Variants in DCP1A observed in about 807,000 individuals in gnomAD.
DCP1A encodes decapping mRNA 1A, also known as mRNA-decapping enzyme 1A.
In DCP1A, 20 loss-of-function variants were observed where a neutral mutation model predicts 58.0. The ratio of observed to expected loss-of-function variants is 0.34; its 90% confidence interval spans 0.24 to 0.50. The LOEUF (loss-of-function observed/expected upper bound fraction) is 0.50. Ranked by LOEUF, DCP1A falls within the 20% of genes least tolerant of loss-of-function variation. The pLI, the probability that DCP1A is intolerant of heterozygous loss-of-function variation, is 0.98. For missense variants in DCP1A, 613 were observed against 712.2 expected (o/e 0.86, Z 1.59); for synonymous variants, 285 against 275.1 (o/e 1.04, Z -0.36).
intron 3 of DCP1A, chr3:53,329,128 T>C (rs1353926325): frequency 2.6e-6 from 1 of 382,658 alleles, no homozygotes; most frequent in East Asian, 3.7e-5. Context: ...AGGAAATTTC[T>C]TGCGCTGTGC....
rs781852766 is a variant in DCP1A at position 53,319,445 on chromosome 3, G to A, written c.333C>T (p.Asp111=). 7 of 1,561,272 alleles carry A rather than the reference G, an allele frequency of 4.5e-6. No individual in the cohort carries two copies. The Admixed American group carries it at 7.6e-5, about 17-fold the overall frequency. Residue 111 remains aspartate, a synonymous_variant, in exon 4 of 10, where the codon GAC becomes GAT. Coordinates refer to ENST00000610213, the MANE Select transcript of DCP1A (RefSeq NM_018403.7). ...TTGCTATGCGGTGACAGTCATTCTT[G>A]TCATAAAACCAGATACTATATATCG... ...SLSIYSIWFY[D]KNDCHRIAKL...
At chr3:53,326,977 C>CA (rs1553690630) in intron 3 of DCP1A, among the ~76,000 whole-genome samples, 1 of 92,534 alleles carries the variant, frequency 1.1e-5, no homozygotes, top group Non-Finnish European at 2.1e-5. Context: ...ACATGTCCAA[C>CA]CCCCCCCCCC....
At chr3:53,334,059 T>C (rs191612269) in intron 3 of DCP1A, among the ~76,000 whole-genome samples, 40 of 152,158 alleles carry the variant, frequency 2.6e-4, no homozygotes, top group Non-Finnish European at 5.4e-4. Context: ...CCCAGGAGTT[T>C]GAGACCAGCC....
chr3:53,333,908 A>G (rs2089063932), intron 3 of DCP1A, among the ~76,000 whole-genome samples: 1 of 152,012 alleles, frequency 6.6e-6, no homozygotes, highest in African/African-American at 2.4e-5. Context: ...TGCCTGATAA[A>G]TCTCATTCTA....
chr3:53,343,127 C>T (rs572704065), intron 2 of DCP1A, among the ~76,000 whole-genome samples: 4 of 152,274 alleles, frequency 2.6e-5, no homozygotes, highest in Non-Finnish European at 4.4e-5. Context: ...ACGATATACC[C>T]GGGGTGTTAA....
At chr3:53,332,083 C>T (rs149942640) in intron 3 of DCP1A, among the ~76,000 whole-genome samples, 4 of 152,184 alleles carry the variant, frequency 2.6e-5, no homozygotes, top group African/African-American at 9.6e-5. Context: ...TAGTGAATCA[C>T]AGAAGCATGA....
At chr3:53,290,446 A>G (rs1323750500) in intron 8 of DCP1A, among the ~76,000 whole-genome samples, 1 of 152,070 alleles carries the variant, frequency 6.6e-6, no homozygotes, top group African/African-American at 2.4e-5. Flanking sequence ...GAAGATATCC[A>G]TGCAGACGCC....
At chr3:53,334,508 G>A (rs889646592) in intron 3 of DCP1A, among the ~76,000 whole-genome samples, 6 of 151,784 alleles carry the variant, frequency 4.0e-5, no homozygotes, top group Admixed American at 1.3e-4. Context: ...TATGTTCTGC[G>A]GTGGAATCTT....
chr3:53,292,954 A>G, intron 6 of DCP1A, 127 bp from the exon 7 acceptor site: 1 of 972,482 alleles, frequency 1.0e-6, no homozygotes, highest in South Asian at 1.7e-5. Flanking sequence ...AAGGAACGGA[A>G]AAAACTGAAG....
intron 7 of DCP1A, among the ~76,000 whole-genome samples, chr3:53,291,214 T>TAGGTGTATGTATTTATG (rs1559679444): frequency 6.6e-6 from 1 of 152,182 alleles, no homozygotes; most frequent in Non-Finnish European, 1.5e-5. Context: ...TGTGGGTATA[T>TAGGTGTATGTATTTATG]AGGTGTATGT....
In DCP1A at chr3:53,286,939, C is replaced by T. The variant is rs1179874797; in HGVS notation, c.*641G>A. The T allele has an allele frequency of 6.6e-6, 1 of 152,252 alleles. No homozygotes were observed. The highest frequency in any genetic ancestry group is 1.5e-5 in the Non-Finnish European group (1 of 68,098). 9.4% of individuals were successfully genotyped at this position (152,252 alleles called of 1,614,324 possible). On this transcript the variant is annotated 3_prime_UTR_variant, in exon 10 of 10. Transcript: ENST00000610213. Reference sequence around the variant, plus strand: ...GCCCTATTCAAATGGTAATGCTGCACTGGGGGCCTGCTGCAGGGCAGGACT... The same window carrying T: ...GCCCTATTCAAATGGTAATGCTGCATTGGGGGCCTGCTGCAGGGCAGGACT...
intron 8 of DCP1A, 80 bp from the exon 9 acceptor site, chr3:53,288,363 G>A: frequency 9.1e-7 from 1 of 1,103,048 alleles, no homozygotes; most frequent in African/African-American, 1.6e-5. Context: ...TGTGGAAACA[G>A]GCATAAGCAG....
At chr3:53,309,636 T>C (rs1283942574) in intron 5 of DCP1A, among the ~76,000 whole-genome samples, 4 of 152,134 alleles carry the variant, frequency 2.6e-5, no homozygotes, top group Admixed American at 1.3e-4. Context: ...TGGTGATGCA[T>C]GGCCTATAGT....
chr3:53,346,383 T>C (rs2089292077), intron 1 of DCP1A, among the ~76,000 whole-genome samples: 3 of 152,216 alleles, frequency 2.0e-5, no homozygotes, highest in South Asian at 4.1e-4. Context: ...AACTGTATTA[T>C]AGGGTAAACG....
chr3:53,345,013 T>A, intron 1 of DCP1A, 71 bp from the exon 2 acceptor site: 1 of 1,164,320 alleles, frequency 8.6e-7, no homozygotes, highest in Non-Finnish European at 1.2e-6. Flanking sequence ...CATGGAGAAG[T>A]AATGCTTCAC....
Position 53,315,744 on chromosome 3 carries a change from G to GTTTTTTTTTTTTTTT in DCP1A, c.372-3366_372-3365insAAAAAAAAAAAAAAA, listed in dbSNP as rs797040721. Among the ~76,000 whole-genome samples the GTTTTTTTTTTTTTTT allele has an allele frequency of 3.1e-5, 3 of 95,416 alleles. 1 individual carries two copies. The highest frequency in any genetic ancestry group is 4.2e-5 in the African/African-American group (1 of 23,768). The allele number at this position is 95,416 out of a possible 152,430, so 62.6% of individuals were successfully genotyped here. A position where few individuals can be genotyped will look rare whatever the true frequency, so the allele number is the denominator to read the frequency against. On this transcript the variant is annotated intron_variant, in intron 4 of 9. Coordinates refer to ENST00000610213, the MANE Select transcript of DCP1A (RefSeq NM_018403.7). ...ATTGTTTGGAGTAAATCAGTTTGTT[G>GTTTTTTTTTTTTTTT]TTTTTTTTTTTTGTTTTTTTTTTTT...
At chr3:53,293,823 C>T (rs1707016238) in intron 6 of DCP1A, among the ~76,000 whole-genome samples, 1 of 152,132 alleles carries the variant, frequency 6.6e-6, no homozygotes, top group African/African-American at 2.4e-5. Flanking sequence ...GCAAATGTTT[C>T]ATCCATTTGA....
At chr3:53,338,563 T>C (rs2106891605) in intron 3 of DCP1A, among the ~76,000 whole-genome samples, 1 of 151,974 alleles carries the variant, frequency 6.6e-6, no homozygotes, top group East Asian at 1.9e-4. Context: ...GGGCATGTTT[T>C]ATAAAGAAAA....
intron 5 of DCP1A, among the ~76,000 whole-genome samples, chr3:53,304,531 G>T (rs1022702018): frequency 2.0e-5 from 3 of 152,026 alleles, no homozygotes; most frequent in African/African-American, 7.2e-5. Context: ...ACCTTTTTAA[G>T]AAAAAGATAA....
Sources: gnomAD v4.1 joint callset for allele counts (sites outside exome capture counted in the v4.1 genomes callset) on GRCh38, gnomAD v4.1.1 for gene constraint, MANE v1.5 for transcripts, NCBI Gene and HGNC (gene_info 2026-07-23, HGNC 2026-07-21) for gene names.